The following SLC13A5 variants were observed in gnomAD, a reference collection of about 807,000 sequenced individuals.
The protein encoded by SLC13A5 is solute carrier family 13 member 5, also known as Na(+)/citrate cotransporter.
In SLC13A5, 25 loss-of-function variants were observed where a neutral mutation model predicts 56.5. The ratio of observed to expected loss-of-function variants is 0.44; its 90% CI spans 0.32 to 0.62. SLC13A5 has a LOEUF of 0.62. Ranked by LOEUF, SLC13A5 falls within the 20% of genes least tolerant of loss-of-function variation. SLC13A5 has a pLI of 0.04. For missense variants in SLC13A5, 649 were observed against 737.8 expected, an observed-to-expected ratio of 0.88 and a Z score of 1.39; for synonymous variants, 307 against 301.5, an observed-to-expected ratio of 1.02 and a Z score of -0.19.
chr17:6,695,508 G>T, intron 7 of SLC13A5: 1 of 484,626 alleles, frequency 2.1e-6, no homozygotes, highest in Non-Finnish European at 3.7e-6. Context: ...TCCTGCCTCA[G>T]TCTCCCAAGT....
chr17:6,704,121 G>A (rs1055374471), intron 3 of SLC13A5, 65 bp from the exon 4 acceptor site: 1 of 1,533,542 alleles, frequency 6.5e-7, no homozygotes, highest in African/African-American at 1.4e-5. Context: ...TCCCTGGGAA[G>A]CAACTGGGGA....
Position 6,685,390 on chromosome 17 carries a change from G to A in SLC13A5, c.*817C>T, listed in dbSNP as rs924848732. 1 of 152,266 alleles carries A rather than the reference G, an allele frequency of 6.6e-6. No individual in the cohort carries two copies. The highest frequency in any genetic ancestry group is 1.9e-4 in the East Asian group (1 of 5,200). The allele number at this position is 152,266 out of a possible 1,614,324, so 9.4% of individuals were successfully genotyped here. On this transcript the variant is annotated 3_prime_UTR_variant, in exon 12 of 12. Transcript: ENST00000433363. The surrounding 1 kb of genome is among the most constrained non-coding windows in gnomAD (Gnocchi z 4.2). ...AAAGATGACCTGCCTGGGAGAAAAG[G>A]GGGACCCCAGAGGGTGCCAGCCAAG...
In SLC13A5 at chr17:6,692,143, G is replaced by GGATGGATGGATGGATGGATGGATA. The variant is rs1973424146; in HGVS notation, c.1275+877_1275+900dup. Among the ~76,000 whole-genome samples the GGATGGATGGATGGATGGATGGATA allele has an allele frequency of 6.6e-6, 1 of 151,306 alleles. No homozygotes were observed. The highest frequency in any genetic ancestry group is 1.5e-5 in the Non-Finnish European group (1 of 67,822). Reference sequence around the variant, plus strand: ...TGGATAGATGGATGGATGGATGGATGGATGGATGGATGGATGGATGGATAG... The same window carrying GGATGGATGGATGGATGGATGGATA: ...TGGATAGATGGATGGATGGATGGATGGATGGATGGATGGATGGATGGATAGATGGATGGATGGATGGATGGATAG... On this transcript the variant is annotated intron_variant, in intron 9 of 11. Coordinates refer to ENST00000433363, the MANE Select transcript of SLC13A5 (RefSeq NM_177550.5). This position sits in a 1 kb window ranked among gnomAD's most constrained non-coding sequence, Gnocchi z 5.5.
intron 1 of SLC13A5, among the ~76,000 whole-genome samples, chr17:6,708,607 A>G (rs967342518): frequency 2.0e-5 from 3 of 152,258 alleles, no homozygotes; most frequent in African/African-American, 7.2e-5. Context: ...AACACTTCCA[A>G]TATTAAACAC....
Position 6,686,172 on chromosome 17 carries a change from G to C in SLC13A5, c.*35C>G. The C allele has an allele frequency of 6.2e-7, 1 of 1,613,660 alleles. No homozygotes were observed. Among genetic ancestry groups the C allele is most frequent in the Non-Finnish European group, 8.5e-7 (1 of 1,179,738 alleles). ...CCAGAAGGTTCGGTAGTCCTGAGGA[G>C]GGTAAGGGCTGTGTGTGTGGTCTTG... On this transcript the variant is annotated 3_prime_UTR_variant, in exon 12 of 12. Transcript: ENST00000433363.
chr17:6,690,096 C>CAAA (rs1567614272), intron 10 of SLC13A5: 2 of 72,158 alleles, frequency 2.8e-5, no homozygotes, highest in Admixed American at 1.7e-4. Flanking sequence ...AAAAAAAAAA[C>CAAA]CATAGCCACT....
In SLC13A5 at chr17:6,687,971, C is replaced by T. The variant is rs1168387181; in HGVS notation, c.1438-305G>A. 1.8e-5 allele frequency: 4 copies of T among 223,760 alleles called. No homozygotes were observed. The highest frequency in any genetic ancestry group is 1.8e-4 in the Admixed American group (3 of 17,018). 13.9% of individuals were successfully genotyped at this position (223,760 alleles called of 1,614,324 possible). On this transcript the variant is annotated intron_variant, in intron 10 of 11. Coordinates refer to ENST00000433363, the MANE Select transcript of SLC13A5 (RefSeq NM_177550.5). The surrounding 1 kb of genome is among the most constrained non-coding windows in gnomAD (Gnocchi z 5.0). ...TAGACTGTGCTCAACCTTACAGTGC[C>T]GCGTGCACATGTCTGTCTGTCTTGC...
At chr17:6,699,755 G>A (rs1162673398) in intron 6 of SLC13A5, among the ~76,000 whole-genome samples, 11 of 152,188 alleles carry the variant, frequency 7.2e-5, no homozygotes, top group Non-Finnish European at 1.5e-4. Context: ...TCAGGCGTGG[G>A]CTACCACGCC....
rs57708304 is a variant in SLC13A5 at position 6,711,408 on chromosome 17, ATC to A, written c.102+1822_102+1823del. Among the ~76,000 whole-genome samples, 13 of 146,788 alleles carry A rather than the reference ATC, an allele frequency of 8.9e-5. No individual in the cohort carries two copies. The highest frequency in any genetic ancestry group is 1.0e-4 in the Non-Finnish European group (7 of 66,832). The stretch of plus-strand genomic sequence containing the variant: ...TGGTCCTCACTCAAAGGACAGCTTA[ATC>A]TCTCTCTCTCTCTCTCTTACACACA... On this transcript the variant is annotated intron_variant, in intron 1 of 11. Transcript: ENST00000433363. This position sits in a 1 kb window ranked among gnomAD's most constrained non-coding sequence, Gnocchi z 4.0.
chr17:6,690,693 G>A, intron 10 of SLC13A5, 86 bp downstream of exon 10: 1 of 1,578,044 alleles, frequency 6.3e-7, no homozygotes, highest in Non-Finnish European at 8.7e-7. Flanking sequence ...GTCTGGCCTG[G>A]ACATTGCTGC....
chr17:6,707,663 G>A (rs1337953264), intron 1 of SLC13A5, among the ~76,000 whole-genome samples: 4 of 152,038 alleles, frequency 2.6e-5, no homozygotes, highest in Admixed American at 6.6e-5. Flanking sequence ...CGCTCTTGCC[G>A]CCTAGGAGGC....
chr17:6,694,030 C>A, intron 8 of SLC13A5, 67 bp downstream of exon 8: 1 of 1,055,338 alleles, frequency 9.5e-7, no homozygotes, highest in East Asian at 2.6e-5. Context: ...CCCAAGGCAT[C>A]CCATAGTGAC....
chr17:6,712,032 G>A (rs1410949385), intron 1 of SLC13A5, among the ~76,000 whole-genome samples: 3 of 152,142 alleles, frequency 2.0e-5, no homozygotes, highest in Non-Finnish European at 4.4e-5. Flanking sequence ...AATCCCTTTT[G>A]ATTCCCAAAG....
At chr17:6,696,021 C>CA in intron 6 of SLC13A5, 80 bp from the exon 7 acceptor site, 1 of 1,339,890 alleles carries the variant, frequency 7.5e-7, no homozygotes, top group Admixed American at 1.9e-5. Context: ...AAATGTTCTA[C>CA]AGCAGAATGT....
In SLC13A5 at chr17:6,709,464, T is replaced by A. The variant is rs946659418; in HGVS notation, c.103-2308A>T. On this transcript the variant is annotated intron_variant, in intron 1 of 11. Coordinates refer to ENST00000433363, the MANE Select transcript of SLC13A5 (RefSeq NM_177550.5). ...TTTGTATTTTTAGTAGAGAGGGGAT[T>A]TCACCATGTTGGCCAGGATGGTCTT... Among the ~76,000 whole-genome samples, 57 of 152,174 alleles carry A rather than the reference T, an allele frequency of 3.7e-4. 1 individual carries two copies. Among genetic ancestry groups the A allele is most frequent in the African/African-American group, 1.3e-3 (56 of 41,522 alleles).
Position 6,711,686 on chromosome 17 carries a change from T to TGAGTGTGTGTGTGTGAGAGAGA in SLC13A5, c.102+1524_102+1545dup, listed in dbSNP as rs1177731192. ...TTGTGTGTGTGTCTGTGTGTGTTTGTGAGTGTGTGTGTGTGAGAGAGAGAG... is the reference window on the plus strand; with the variant it reads ...TTGTGTGTGTGTCTGTGTGTGTTTGTGAGTGTGTGTGTGTGAGAGAGAGAGTGTGTGTGTGTGAGAGAGAGAG... On this transcript the variant is annotated intron_variant, in intron 1 of 11. Transcript: ENST00000433363. The surrounding 1 kb of genome is among the most constrained non-coding windows in gnomAD (Gnocchi z 4.0). Among the ~76,000 whole-genome samples the TGAGTGTGTGTGTGTGAGAGAGA allele has an allele frequency of 3.3e-5, 5 of 151,544 alleles. No individual in the cohort carries two copies. The highest frequency in any genetic ancestry group is 7.4e-5 in the Non-Finnish European group (5 of 67,878).
chr17:6,697,060 C>A (rs1327219838), intron 6 of SLC13A5, among the ~76,000 whole-genome samples: 1 of 152,094 alleles, frequency 6.6e-6, no homozygotes, highest in Non-Finnish European at 1.5e-5. Context: ...TGGCTAGGAT[C>A]TCCCTGCTGG....
chr17:6,703,995 T>C lies in SLC13A5; in HGVS notation c.430A>G (p.Thr144Ala). The C allele has an allele frequency of 6.2e-7, 1 of 1,613,238 alleles. No homozygotes were observed. The stretch of plus-strand genomic sequence containing the variant: ...ACGATGGGCACCATCATGGCCGTGG[T>C]TGCCGTGTTACTGATCCACATGGAC... ...LLSMWISNTA[T>A]TAMMVPIVEA... is the part of the protein sequence containing the mutation. Residue 144 changes from threonine to alanine, a missense_variant, in exon 4 of 12, where the codon ACC becomes GCC. By Grantham distance (58) the Thr-to-Ala change is moderately conservative. Coordinates refer to ENST00000433363, the MANE Select transcript of SLC13A5 (RefSeq NM_177550.5).
rs1974028875 is a variant in SLC13A5, at chr17:6,711,554, TTG to T, written c.102+1676_102+1677del. Among the ~76,000 whole-genome samples the T allele has an allele frequency of 1.4e-5, 2 of 144,116 alleles. No individual in the cohort carries two copies. The highest frequency in any genetic ancestry group is 1.4e-4 in the Admixed American group (2 of 14,466). The allele number at this position is 144,116 out of a possible 152,430, so 94.5% of individuals were successfully genotyped here. A position where few individuals can be genotyped will look rare whatever the true frequency, so the allele number is the denominator to read the frequency against. On this transcript the variant is annotated intron_variant, in intron 1 of 11. Transcript: ENST00000433363. This position sits in a 1 kb window ranked among gnomAD's most constrained non-coding sequence, Gnocchi z 4.0. ...TTTTTTGTGTGTTTTGTGTGTGTGTTTGTGTGTGTGTTTGTGTGTCTGTGTTT... is the reference window on the plus strand; with the variant it reads ...TTTTTTGTGTGTTTTGTGTGTGTGTTTGTGTGTGTTTGTGTGTCTGTGTTT...
Sources: gnomAD v4.1 joint callset for allele counts (sites outside exome capture counted in the v4.1 genomes callset) on GRCh38, gnomAD v4.1.1 for gene constraint, Gnocchi (gnomAD v3.1) non-coding constraint, MANE v1.5 for transcripts, NCBI Gene and HGNC (gene_info 2026-07-23, HGNC 2026-07-21) for gene names.